Variants in MCF2L2 observed in about 807,000 individuals in gnomAD.
MCF2L2 encodes MCF.2 cell line derived transforming sequence-like 2.
MCF2L2 carries 102 observed loss-of-function variants against 150.2 expected under a neutral mutation model. The ratio of observed to expected loss-of-function variants is 0.68; its 90% CI spans 0.58 to 0.80. MCF2L2 has a LOEUF of 0.80. Among genes scored for constraint, MCF2L2 ranks in the 30% least tolerant of loss-of-function variants. MCF2L2 has a pLI of 0.00. For synonymous variants in MCF2L2, 465 were observed against 491.3 expected (o/e 0.95, Z 0.71); for missense variants, 1,256 against 1,372.8 (o/e 0.91, Z 1.34).
intron 14 of MCF2L2, among the ~76,000 whole-genome samples, chr3:183,281,280 C>T (rs1727460949): frequency 6.6e-6 from 1 of 151,786 alleles, no homozygotes; most frequent in African/African-American, 2.4e-5. Flanking sequence ...GACGCAGCCC[C>T]AGAGTAAAAA....
At chr3:183,408,115 C>G (rs908184769) in intron 1 of MCF2L2, among the ~76,000 whole-genome samples, 1 of 151,718 alleles carries the variant, frequency 6.6e-6, no homozygotes, top group Non-Finnish European at 1.5e-5. Flanking sequence ...TTGTCCCCCC[C>G]AATCTTCTGT....
intron 15 of MCF2L2, among the ~76,000 whole-genome samples, chr3:183,241,580 G>C (rs1016069655): frequency 6.6e-6 from 1 of 152,104 alleles, no homozygotes; most frequent in Admixed American, 6.5e-5. Flanking sequence ...CTCCTCCTTT[G>C]CCTTCCACCA....
intron 1 of MCF2L2, among the ~76,000 whole-genome samples, chr3:183,423,079 C>T (rs901725986): frequency 1.3e-5 from 2 of 152,138 alleles, no homozygotes; most frequent in African/African-American, 4.8e-5. Flanking sequence ...AGTCTGTGAA[C>T]ACTAGGCACA....
chr3:183,217,396 C>T (rs888681961), intron 21 of MCF2L2, among the ~76,000 whole-genome samples: 6 of 149,654 alleles, frequency 4.0e-5, no homozygotes, highest in South Asian at 2.1e-4. Flanking sequence ...TGCTTGAACA[C>T]GGGAGGTGGA....
At chr3:183,355,406 A>G (rs1221235762) in intron 3 of MCF2L2, among the ~76,000 whole-genome samples, 1 of 151,724 alleles carries the variant, frequency 6.6e-6, no homozygotes, top group African/African-American at 2.4e-5. Flanking sequence ...AGAAAGCAGG[A>G]ATAGCAAAAT....
In MCF2L2 at chr3:183,267,274, C is replaced by G. The variant is rs1726242672; in HGVS notation, c.1862+9598G>C. Reference sequence around the variant, plus strand: ...TGCGTGCAGTTTTCAAATCAATGCCCTTGGCGATAAAGTGTGCCCTATACT... The same window carrying G: ...TGCGTGCAGTTTTCAAATCAATGCCGTTGGCGATAAAGTGTGCCCTATACT... On this transcript the variant is annotated intron_variant, in intron 15 of 29. Coordinates refer to ENST00000328913, the MANE Select transcript of MCF2L2 (RefSeq NM_015078.4). The surrounding 1 kb of genome is among the most constrained non-coding windows in gnomAD (Gnocchi z 5.5). 6.6e-6 allele frequency among the ~76,000 whole-genome samples: 1 copy of G among 152,202 alleles called. No homozygotes were observed. Among genetic ancestry groups the G allele is most frequent in the Non-Finnish European group, 1.5e-5 (1 of 68,034 alleles).
chr3:183,291,064 T>C (rs141805361), intron 13 of MCF2L2, among the ~76,000 whole-genome samples: 1 of 152,326 alleles, frequency 6.6e-6, no homozygotes, highest in African/African-American at 2.4e-5. Context: ...CCCCAGGTTA[T>C]ACATATTACC....
chr3:183,265,814 AGTGAGATCTG>A lies in MCF2L2; in HGVS notation c.1862+11048_1862+11057del, dbSNP rs150132035. Among the ~76,000 whole-genome samples the A allele has an allele frequency of 4.6e-3, 695 of 152,304 alleles. 2 individuals carry two copies. Among genetic ancestry groups the A allele is most frequent in the African/African-American group, 0.016 (674 of 41,558 alleles). The stretch of plus-strand genomic sequence containing the variant: ...TTCCCCTTATCATTCCAGTATTATC[AGTGAGATCTG>A]GTTGTGATTTATGTAAATGGTGGCT... On this transcript the variant is annotated intron_variant, in intron 15 of 29. Transcript: ENST00000328913.
chr3:183,361,777 A>C (rs893287880), intron 3 of MCF2L2, among the ~76,000 whole-genome samples: 2 of 152,248 alleles, frequency 1.3e-5, no homozygotes, highest in African/African-American at 4.8e-5. Flanking sequence ...ACTATTAAAT[A>C]CTTAAGTGTG....
chr3:183,221,179 T>C (rs558346532), intron 20 of MCF2L2, among the ~76,000 whole-genome samples: 6 of 152,214 alleles, frequency 3.9e-5, no homozygotes, highest in Non-Finnish European at 8.8e-5. Context: ...CCAGCAAGCT[T>C]AGCTGTGGGG....
intron 1 of MCF2L2, among the ~76,000 whole-genome samples, chr3:183,416,024 T>C (rs1229197845): frequency 6.6e-6 from 1 of 152,120 alleles, no homozygotes; most frequent in Non-Finnish European, 1.5e-5. Flanking sequence ...TTCATTATAT[T>C]TTAAGTAATT....
At chr3:183,289,580 G>A (rs1728002512) in intron 13 of MCF2L2, among the ~76,000 whole-genome samples, 1 of 152,218 alleles carries the variant, frequency 6.6e-6, no homozygotes, top group East Asian at 1.9e-4. Context: ...TTTTGGCTGG[G>A]TTTGGTGGCT....
intron 3 of MCF2L2, among the ~76,000 whole-genome samples, chr3:183,362,438 T>C (rs924756336): frequency 1.3e-5 from 2 of 151,986 alleles, no homozygotes; most frequent in Non-Finnish European, 2.9e-5. Flanking sequence ...AGATAATCTG[T>C]ACTGAAAAAG....
intron 2 of MCF2L2, among the ~76,000 whole-genome samples, chr3:183,386,368 T>G (rs900879267): frequency 6.6e-6 from 1 of 152,154 alleles, no homozygotes; most frequent in African/African-American, 2.4e-5. Flanking sequence ...CCAGCCCTGG[T>G]CAATATCCAA....
chr3:183,226,279 C>G (rs1050067433), intron 18 of MCF2L2: 1 of 152,154 alleles, frequency 6.6e-6, no homozygotes, highest in African/African-American at 2.4e-5. Context: ...CTCGTCTCTA[C>G]TAAAAATACA....
intron 1 of MCF2L2, among the ~76,000 whole-genome samples, chr3:183,424,472 AAC>A (rs1267836994): frequency 6.6e-6 from 1 of 152,218 alleles, no homozygotes; most frequent in Non-Finnish European, 1.5e-5. Context: ...TCCATTCCAA[AAC>A]ACAATCATTC....
intron 27 of MCF2L2, among the ~76,000 whole-genome samples, chr3:183,186,632 C>A (rs559357213): frequency 6.6e-6 from 1 of 152,366 alleles, no homozygotes; most frequent in South Asian, 2.1e-4. Context: ...GAGACTGAAG[C>A]AGGAGAATCA....
intron 3 of MCF2L2, among the ~76,000 whole-genome samples, chr3:183,355,944 T>G (rs571573900): frequency 2.2e-4 from 33 of 151,376 alleles, no homozygotes; most frequent in Middle Eastern, 3.4e-3. Flanking sequence ...CCTTCCCCCC[T>G]CCCCTCCCCT....
chr3:183,228,475 C>T, intron 17 of MCF2L2, 109 bp from the exon 18 acceptor site: 1 of 681,516 alleles, frequency 1.5e-6, no homozygotes, highest in East Asian at 2.7e-5. Flanking sequence ...GAAAAATGTT[C>T]TCCAGGCCTT....
Sources: allele counts gnomAD v4.1 joint callset (sites outside exome capture counted in the v4.1 genomes callset), GRCh38; gene constraint gnomAD v4.1.1; non-coding constraint Gnocchi (gnomAD v3.1); transcripts MANE v1.5; gene names NCBI Gene and HGNC (gene_info 2026-07-23, HGNC 2026-07-21).